Variants in TBC1D22A observed in about 807,000 individuals in gnomAD.
TBC1D22A encodes putative GTPase activator.
A neutral mutation model predicts 60.2 loss-of-function variants in TBC1D22A; 38 were observed. The ratio of observed to expected loss-of-function variants is 0.63; its 90% CI spans 0.49 to 0.83. The LOEUF (loss-of-function observed/expected upper bound fraction) is 0.83, where lower values mean the gene tolerates loss of function less well. Among genes scored for constraint, TBC1D22A ranks in the 40% least tolerant of loss-of-function variants. The pLI is 0.00. For missense variants in TBC1D22A, 628 were observed against 701.0 expected, an observed-to-expected ratio of 0.90 and a Z score of 1.18; for synonymous variants, 302 against 281.7, an observed-to-expected ratio of 1.07 and a Z score of -0.72.
At chr22:46,956,648 G>A (rs768196557) in intron 8 of TBC1D22A, among the ~76,000 whole-genome samples, 11 of 152,168 alleles carry the variant, frequency 7.2e-5, no homozygotes, top group Admixed American at 1.3e-4. Context: ...AGTTGAGTGC[G>A]TCTCGTGTGG....
At chr22:46,865,295 A>G (rs2066997932) in intron 4 of TBC1D22A, among the ~76,000 whole-genome samples, 2 of 151,822 alleles carry the variant, frequency 1.3e-5, no homozygotes, top group African/African-American at 4.8e-5. Context: ...ATTGTTTTAC[A>G]CTCTGTGCTT....
intron 4 of TBC1D22A, among the ~76,000 whole-genome samples, chr22:46,846,688 G>A (rs1017056798): frequency 2.6e-5 from 4 of 152,028 alleles, no homozygotes; most frequent in Non-Finnish European, 5.9e-5. Flanking sequence ...ATCAAGATAC[G>A]CCACCAGCCT....
chr22:47,065,655 G>GCTGC (rs57925231), intron 11 of TBC1D22A, among the ~76,000 whole-genome samples: 1 of 151,014 alleles, frequency 6.6e-6, no homozygotes, highest in Admixed American at 6.6e-5. Flanking sequence ...GGGTTGGATT[G>GCTGC]AGGGAGACCT....
rs563716419 is a variant in TBC1D22A at position 46,805,013 on chromosome 22, G to A, written c.637+7393G>A. On this transcript the variant is annotated intron_variant, in intron 4 of 12. Transcript: ENST00000337137. Reference sequence around the variant, plus strand: ...GAAGGAAAGTAGGGCGAGTATGGCAGGATCCCCAGGGACTCATTGCTCCTC... The same window carrying A: ...GAAGGAAAGTAGGGCGAGTATGGCAAGATCCCCAGGGACTCATTGCTCCTC... Among the ~76,000 whole-genome samples, 37 of 152,314 alleles carry A rather than the reference G, an allele frequency of 2.4e-4. No homozygotes were observed. In the East Asian group the frequency reaches 6.0e-3, roughly 25 times the overall value.
intron 12 of TBC1D22A, among the ~76,000 whole-genome samples, chr22:47,135,822 C>T (rs919579582): frequency 5.3e-5 from 8 of 152,116 alleles, no homozygotes; most frequent in East Asian, 1.9e-4. Context: ...TCACTGAGCA[C>T]GCGCCACGTG....
At chr22:46,820,047 G>C (rs933978794) in intron 4 of TBC1D22A, among the ~76,000 whole-genome samples, 1 of 152,190 alleles carries the variant, frequency 6.6e-6, no homozygotes, top group African/African-American at 2.4e-5. Context: ...AGTATTCTCT[G>C]ATGGTAGTTT....
intron 12 of TBC1D22A, among the ~76,000 whole-genome samples, chr22:47,124,282 A>G (rs1276409214): frequency 1.3e-5 from 2 of 152,066 alleles, no homozygotes; most frequent in Non-Finnish European, 2.9e-5. Flanking sequence ...TTCAGAGGGA[A>G]GGGCGCCGTG....
chr22:46,915,462 G>T (rs73888468), intron 8 of TBC1D22A: 27,796 of 456,540 alleles, frequency 0.061, 1,759 homozygotes, highest in African/African-American at 0.21. Context: ...GGGCCTCAGC[G>T]TTCAGGTTAT....
At chr22:46,913,544 C>T in intron 8 of TBC1D22A, 2 of 1,230,416 alleles carry the variant, frequency 1.6e-6, no homozygotes, top group East Asian at 1.2e-4. Flanking sequence ...GCTGCCTCGG[C>T]TCACTCCCTA....
intron 3 of TBC1D22A, among the ~76,000 whole-genome samples, chr22:46,796,246 A>G (rs2084647945): frequency 6.6e-6 from 1 of 152,144 alleles, no homozygotes; most frequent in South Asian, 2.1e-4. Context: ...CTGGAAATTT[A>G]ACTGGGCCAC....
At chr22:46,913,287 C>T (rs1257909989) in intron 8 of TBC1D22A, 1 of 1,331,886 alleles carries the variant, frequency 7.5e-7, no homozygotes, top group East Asian at 4.6e-5. Flanking sequence ...TTCCTGCAAG[C>T]CTTCTGGACT....
At chr22:46,913,719 T>G (rs982422697) in intron 8 of TBC1D22A, 7 of 985,266 alleles carry the variant, frequency 7.1e-6, no homozygotes, top group Non-Finnish European at 1.2e-6. Context: ...TCAACTGAGA[T>G]GTGATTAGAG....
At chr22:46,942,783 G>T (rs1285825922) in intron 8 of TBC1D22A, among the ~76,000 whole-genome samples, 2 of 152,186 alleles carry the variant, frequency 1.3e-5, no homozygotes, top group African/African-American at 4.8e-5. Context: ...AAATAGACCT[G>T]TGTCCCAAAT....
chr22:46,894,478 T>A (rs1207686237), intron 6 of TBC1D22A, among the ~76,000 whole-genome samples: 1 of 152,244 alleles, frequency 6.6e-6, no homozygotes, highest in Non-Finnish European at 1.5e-5. Flanking sequence ...TGTTTACTAA[T>A]TGCTATGGCT....
intron 4 of TBC1D22A, among the ~76,000 whole-genome samples, chr22:46,841,092 AAG>A (rs1306025613): frequency 7.5e-6 from 1 of 132,674 alleles, no homozygotes; most frequent in Non-Finnish European, 1.6e-5. Flanking sequence ...GAGAGAGAGA[AAG>A]AGAGAGAGAG....
chr22:47,036,506 T>C (rs1314005712), intron 10 of TBC1D22A, among the ~76,000 whole-genome samples: 1 of 152,202 alleles, frequency 6.6e-6, no homozygotes, highest in East Asian at 1.9e-4. Flanking sequence ...CCTGGCTCTT[T>C]CCAGAGGCCC....
At position 46,968,497 on chromosome 22, in the gene TBC1D22A, C is replaced by T. The variant is rs191762171; in HGVS notation, c.1016-5793C>T. Among the ~76,000 whole-genome samples, 98 of 149,432 alleles carry T rather than the reference C, an allele frequency of 6.6e-4. 1 individual carries two copies. The highest frequency in any genetic ancestry group is 7.9e-4 in the Non-Finnish European group (53 of 66,852). On this transcript the variant is annotated intron_variant, in intron 8 of 12. Coordinates refer to ENST00000337137, the MANE Select transcript of TBC1D22A (RefSeq NM_014346.5). ...AGTTGGTGGGCAGGCGTCCTCACTGCGTGGCCGGCGGTCCTGAGTGGGCAG... is the reference window on the plus strand; with the variant it reads ...AGTTGGTGGGCAGGCGTCCTCACTGTGTGGCCGGCGGTCCTGAGTGGGCAG...
chr22:46,762,868 C>CCAGGTCGGGGT lies in TBC1D22A; in HGVS notation c.62+25_62+35dup. On this transcript the variant is annotated intron_variant, in intron 1 of 12. Coordinates refer to ENST00000337137, the MANE Select transcript of TBC1D22A (RefSeq NM_014346.5). ...GGGCAGGTGGGTGTGCCGCGGAGGGCCAGGTCGGGGTCAGGGGTCAGAGGT... is the reference window on the plus strand; with the variant it reads ...GGGCAGGTGGGTGTGCCGCGGAGGGCCAGGTCGGGGTCAGGTCGGGGTCAGGGGTCAGAGGT... The CCAGGTCGGGGT allele has an allele frequency of 6.8e-7, 1 of 1,469,014 alleles. No homozygotes were observed. Among genetic ancestry groups the CCAGGTCGGGGT allele is most frequent in the Non-Finnish European group, 9.0e-7 (1 of 1,116,186 alleles). The allele number at this position is 1,469,014 out of a possible 1,614,324, so 91.0% of individuals were successfully genotyped here.
intron 4 of TBC1D22A, among the ~76,000 whole-genome samples, chr22:46,876,628 A>T (rs192951381): frequency 2.0e-5 from 3 of 152,158 alleles, no homozygotes; most frequent in Admixed American, 1.3e-4. Context: ...TGCCTCCAGG[A>T]ACTTCCCAAG....
Sources: allele counts gnomAD v4.1 joint callset (sites outside exome capture counted in the v4.1 genomes callset), GRCh38; gene constraint gnomAD v4.1.1; transcripts MANE v1.5; gene names NCBI Gene and HGNC (gene_info 2026-07-23, HGNC 2026-07-21).